RBFOX1: variants seen among roughly 807,000 people sequenced by gnomAD.
RBFOX1 encodes RNA binding fox-1 homolog 1.
RBFOX1 carries 8 observed loss-of-function variants against 57.7 expected under a neutral mutation model. The observed-to-expected ratio is 0.14, with a 90% CI of 0.08 to 0.25. The LOEUF (loss-of-function observed/expected upper bound fraction) is 0.25, where lower values mean the gene tolerates loss of function less well. RBFOX1 is among the 10% of genes least tolerant of loss of function. The pLI is 1.00. For missense variants in RBFOX1, 611 were observed against 548.5 expected (o/e 1.11, Z -1.14); for synonymous variants, 326 against 222.4 (o/e 1.47, Z -4.15).
At chr16:5,763,077 G>A (rs560056506) in intron 3 of RBFOX1, among the ~76,000 whole-genome samples, 3 of 152,314 alleles carry the variant, frequency 2.0e-5, no homozygotes, top group East Asian at 3.9e-4. Context: ...GGACTTGTTA[G>A]GATAGGGGTG....
chr16:6,284,715 C>T (rs1198834262), intron 1 of RBFOX1, among the ~76,000 whole-genome samples: 2 of 151,910 alleles, frequency 1.3e-5, no homozygotes, highest in African/African-American at 4.8e-5. Context: ...TGCAGAATAC[C>T]CCTGACCTTG....
At chr16:5,571,707 T>A (rs1169268309) in intron 2 of RBFOX1, among the ~76,000 whole-genome samples, 1 of 152,206 alleles carries the variant, frequency 6.6e-6, no homozygotes, top group Non-Finnish European at 1.5e-5. Context: ...GTCAAGCAGC[T>A]GACTGACAAC....
intron 3 of RBFOX1, among the ~76,000 whole-genome samples, chr16:5,702,779 G>A (rs1298390834): frequency 6.6e-6 from 1 of 152,174 alleles, no homozygotes. Context: ...TTGGGGGTTG[G>A]CAAGTAGTGA....
intron 3 of RBFOX1, among the ~76,000 whole-genome samples, chr16:6,726,281 G>A (rs915445169): frequency 2.0e-5 from 3 of 151,914 alleles, no homozygotes; most frequent in Non-Finnish European, 4.4e-5. Flanking sequence ...CTGGTTTTAT[G>A]TAACATTTCC....
At chr16:6,925,777 G>A (rs532875564) in intron 3 of RBFOX1, among the ~76,000 whole-genome samples, 2 of 151,962 alleles carry the variant, frequency 1.3e-5, no homozygotes, top group East Asian at 3.9e-4. Flanking sequence ...CCCAGGTAGG[G>A]ATGATATTTA....
intron 1 of RBFOX1, among the ~76,000 whole-genome samples, chr16:5,332,736 T>G (rs2064789457): frequency 6.6e-6 from 1 of 151,854 alleles, no homozygotes; most frequent in African/African-American, 2.4e-5. Context: ...TAGATATTAT[T>G]TTTGTAACAA....
chr16:5,554,831 C>T (rs777280666), intron 2 of RBFOX1, among the ~76,000 whole-genome samples: 3 of 152,180 alleles, frequency 2.0e-5, no homozygotes, highest in Non-Finnish European at 4.4e-5. Context: ...TTTTCTTACT[C>T]ACATTCTTCC....
At chr16:5,923,544 T>TC (rs1449259908) in intron 4 of RBFOX1, among the ~76,000 whole-genome samples, 1 of 126,528 alleles carries the variant, frequency 7.9e-6, no homozygotes, top group Non-Finnish European at 1.7e-5. Flanking sequence ...TTTTTTTTTT[T>TC]TTTTTTCTTT....
At chr16:6,957,299 T>C (rs1177377697) in intron 3 of RBFOX1, among the ~76,000 whole-genome samples, 1 of 151,756 alleles carries the variant, frequency 6.6e-6, no homozygotes, top group Non-Finnish European at 1.5e-5. Flanking sequence ...GCCAGGCTAA[T>C]TTTTTGTATT....
chr16:6,030,090 T>A (rs1420268777), intron 1 of RBFOX1, among the ~76,000 whole-genome samples: 1 of 152,078 alleles, frequency 6.6e-6, no homozygotes, highest in African/African-American at 2.4e-5. Flanking sequence ...TTCGTGTTTT[T>A]AAATTTTTGT....
intron 3 of RBFOX1, among the ~76,000 whole-genome samples, chr16:7,018,681 C>G (rs1306278155): frequency 6.6e-6 from 1 of 151,934 alleles, no homozygotes; most frequent in African/African-American, 2.4e-5. Context: ...AGGAGATATA[C>G]CTAATGTAAA....
intron 4 of RBFOX1, among the ~76,000 whole-genome samples, chr16:7,320,315 G>C (rs993601355): frequency 6.6e-6 from 1 of 152,056 alleles, no homozygotes; most frequent in Non-Finnish European, 1.5e-5. Flanking sequence ...ACTTGTGAGT[G>C]AGAACATGGA....
At chr16:6,806,548 G>A (rs2086804850) in intron 3 of RBFOX1, among the ~76,000 whole-genome samples, 1 of 152,020 alleles carries the variant, frequency 6.6e-6, no homozygotes, top group South Asian at 2.1e-4. Flanking sequence ...TGGATAGTCT[G>A]TGGAGAAGAA....
In RBFOX1 at chr16:6,889,616, A is replaced by G. The variant is rs533998665; in HGVS notation, c.-15-162441A>G. On this transcript the variant is annotated intron_variant, in intron 3 of 15. Transcript: ENST00000550418. The stretch of plus-strand genomic sequence containing the variant: ...CCCGACTAGTTTGTGGAGGAAGGGA[A>G]GAGTGCCAATCCATATCCGTAAGCC... Among the ~76,000 whole-genome samples the G allele has an allele frequency of 1.1e-4, 16 of 152,320 alleles. No homozygotes were observed. The East Asian group carries it at 1.4e-3, about 13-fold the overall frequency.
chr16:5,769,439 G>C (rs1266557244), intron 3 of RBFOX1, among the ~76,000 whole-genome samples: 2 of 148,288 alleles, frequency 1.3e-5, no homozygotes, highest in East Asian at 4.0e-4. Context: ...TCAGGAGTTT[G>C]AAACCAGCCT....
At chr16:6,375,877 G>A (rs537128043) in intron 2 of RBFOX1, among the ~76,000 whole-genome samples, 1 of 152,042 alleles carries the variant, frequency 6.6e-6, no homozygotes, top group Admixed American at 6.5e-5. Flanking sequence ...TCTTGGCCAG[G>A]ACCCAAAGAC....
intron 4 of RBFOX1, among the ~76,000 whole-genome samples, chr16:5,951,136 G>C (rs1033515366): frequency 6.6e-6 from 1 of 152,092 alleles, no homozygotes; most frequent in African/African-American, 2.4e-5. Context: ...GAGATATCCT[G>C]AACTTTTTAT....
chr16:6,410,895 T>C (rs1041868625), intron 2 of RBFOX1, among the ~76,000 whole-genome samples: 1 of 152,082 alleles, frequency 6.6e-6, no homozygotes, highest in Non-Finnish European at 1.5e-5. Context: ...CAGCGCACAG[T>C]TGGGGATAAA....
At chr16:7,373,875 T>G (rs149067872) in intron 4 of RBFOX1, among the ~76,000 whole-genome samples, 7 of 152,316 alleles carry the variant, frequency 4.6e-5, no homozygotes, top group South Asian at 2.1e-4. Flanking sequence ...AGAGAGAGTT[T>G]AGGTACATTC....
Sources: gnomAD v4.1 joint callset for allele counts (sites outside exome capture counted in the v4.1 genomes callset) on GRCh38, gnomAD v4.1.1 for gene constraint, MANE v1.5 for transcripts, NCBI Gene and HGNC (gene_info 2026-07-23, HGNC 2026-07-21) for gene names.